The following MAP3K12 variants were observed in gnomAD, a reference collection of about 807,000 sequenced individuals.
The protein encoded by MAP3K12 is MAPK-upstream kinase.
A neutral mutation model predicts 87.5 loss-of-function variants in MAP3K12; 14 were observed. The ratio of observed to expected loss-of-function variants is 0.16; its 90% CI spans 0.11 to 0.25. The LOEUF (loss-of-function observed/expected upper bound fraction) is 0.25, where lower values mean the gene tolerates loss of function less well. Ranked by LOEUF, MAP3K12 falls within the 10% of genes least tolerant of loss-of-function variation. MAP3K12 has a pLI of 1.00. For missense variants in MAP3K12, 802 were observed against 1,140.4 expected (o/e 0.70, Z 4.27); for synonymous variants, 469 against 452.5 (o/e 1.04, Z -0.46).
intron 4 of MAP3K12, 78 bp from the exon 5 acceptor site, chr12:53,485,553 G>C (rs1943205317): frequency 6.6e-7 from 1 of 1,506,660 alleles, no homozygotes; most frequent in Non-Finnish European, 9.0e-7. Flanking sequence ...CTGCCTTTCA[G>C]GTTTTTTTGT....
intron 10 of MAP3K12, 62 bp downstream of exon 10, chr12:53,483,287 T>C (rs551204657): frequency 6.3e-7 from 1 of 1,590,300 alleles, no homozygotes; most frequent in South Asian, 1.2e-5. Context: ...TCCCTGCTAA[T>C]ATACCTGTTG....
chr12:53,491,788 G>A (rs944805652), intron 1 of MAP3K12, among the ~76,000 whole-genome samples: 1 of 148,430 alleles, frequency 6.7e-6, no homozygotes, highest in African/African-American at 2.4e-5. Flanking sequence ...AGAAGCTCAA[G>A]CTCTGCTGGG....
chr12:53,482,400 A>C, intron 11 of MAP3K12, 31 bp from the exon 12 acceptor site: 1 of 1,612,266 alleles, frequency 6.2e-7, no homozygotes, highest in South Asian at 1.1e-5. Context: ...GGGGGGTCTG[A>C]TTAGAAGTGG....
chr12:53,485,006 G>A lies in MAP3K12; in HGVS notation c.1139+50C>T, dbSNP rs116242554. On this transcript the variant is annotated intron_variant, in intron 6 of 13. Coordinates refer to ENST00000547488, the MANE Select transcript of MAP3K12 (RefSeq NM_001193511.2). ...TTGGTCAGTCCAGCCCAGTACTACC[G>A]TGCTTCTCAACTTCTCCAGGCCCAG... 3,678 of 1,610,006 alleles carry A rather than the reference G, an allele frequency of 2.3e-3. 67 individuals are homozygous for A. In the African/African-American group the frequency reaches 0.043, roughly 19 times the overall value.
chr12:53,483,007 A>C lies in MAP3K12; in HGVS notation c.1796T>G (p.Val599Gly). 6.4e-7 allele frequency: 1 copy of C among 1,567,692 alleles called. No individual in the cohort carries two copies. Among genetic ancestry groups the C allele is most frequent in the Non-Finnish European group, 8.6e-7 (1 of 1,157,600 alleles). ...CGDLPGLRTAVPPHEPGGPGS... is the reference protein window; with the variant it reads ...CGDLPGLRTAGPPHEPGGPGS... ...TGGTCCTCCAGGTTCATGGGGTGGC[A>C]CAGCTGTACGAAGCCCAGGCAGGTC... The change falls in exon 11 of 14, where the codon GTG becomes GGG. Residue 599 changes from valine to glycine, a missense_variant. By Grantham distance (109) the Val-to-Gly change is moderately radical. This residue lies in a region of MAP3K12 where 490 missense variants were observed against 496.6 expected (regional missense o/e 0.99). Coordinates refer to ENST00000547488, the MANE Select transcript of MAP3K12 (RefSeq NM_001193511.2).
Position 53,486,473 on chromosome 12 carries a change from G to T in MAP3K12, c.595C>A (p.Arg199=), listed in dbSNP as rs1236316073. 3.1e-6 allele frequency: 5 copies of T among 1,614,144 alleles called. No homozygotes were observed. In the South Asian group the frequency reaches 4.4e-5, roughly 14 times the overall value. Residue 199 remains arginine, a synonymous_variant, in exon 3 of 14, where the codon CGA becomes AGA. Coordinates refer to ENST00000547488, the MANE Select transcript of MAP3K12 (RefSeq NM_001193511.2). This position sits in a 1 kb window ranked among gnomAD's most constrained non-coding sequence, Gnocchi z 4.9. ...DLKETDIKHL[R]KLKHPNIITF... ...ATGATGTTGGGGTGCTTCAGCTTTCGCAAGTGCTTGATGTCGGTTTCTTTG... is the reference window on the plus strand; with the variant it reads ...ATGATGTTGGGGTGCTTCAGCTTTCTCAAGTGCTTGATGTCGGTTTCTTTG...
intron 7 of MAP3K12, 71 bp downstream of exon 7, chr12:53,484,186 C>T: frequency 6.9e-7 from 1 of 1,456,216 alleles, no homozygotes; most frequent in Non-Finnish European, 9.6e-7. Flanking sequence ...CATTTCCCAG[C>T]CTCCCCCTCA....
At position 53,481,005 on chromosome 12, in the gene MAP3K12, C is replaced by G. The variant is rs1943013075; in HGVS notation, c.*177G>C. On this transcript the variant is annotated 3_prime_UTR_variant, in exon 14 of 14. Transcript: ENST00000547488. ...TGTGCCTCATTCATTTCCACAGCTG[C>G]CAGTGTCCCTAGAGTTTATCAGGTG... 4.9e-6 allele frequency: 1 copy of G among 204,916 alleles called. No homozygotes were observed. The highest frequency in any genetic ancestry group is 9.4e-6 in the Non-Finnish European group (1 of 106,932). The allele number at this position is 204,916 out of a possible 1,614,324, so 12.7% of individuals were successfully genotyped here.
At chr12:53,491,846 G>A (rs909050647) in intron 1 of MAP3K12, among the ~76,000 whole-genome samples, 1 of 151,588 alleles carries the variant, frequency 6.6e-6, no homozygotes, top group Non-Finnish European at 1.5e-5. Context: ...AGCCGAGGTG[G>A]GCGGATCGCT....
At chr12:53,497,533 A>C (rs1384801057) in intron 1 of MAP3K12, among the ~76,000 whole-genome samples, 1 of 152,174 alleles carries the variant, frequency 6.6e-6, no homozygotes, top group African/African-American at 2.4e-5. Flanking sequence ...CTGGGAGCCA[A>C]TGAACCAGAC....
Position 53,479,672 on chromosome 12 carries a change from T to TTTTTTTTTTTGG in MAP3K12, c.*1509_*1510insCCAAAAAAAAAA. The TTTTTTTTTTTGG allele has an allele frequency of 7.0e-6, 2 of 286,814 alleles. No homozygotes were observed. Among genetic ancestry groups the TTTTTTTTTTTGG allele is most frequent in the East Asian group, 5.6e-5 (1 of 17,902 alleles). The allele number at this position is 286,814 out of a possible 1,614,324, so 17.8% of individuals were successfully genotyped here. On this transcript the variant is annotated 3_prime_UTR_variant, in exon 14 of 14. Transcript: ENST00000547488. ...TTTAGTTTTATAAGCTTCTCCCTGG[T>TTTTTTTTTTTGG]TTTTTTTTTTTGGCTCATGAATTTT... is the stretch of plus-strand genomic sequence containing the variant.
At chr12:53,488,267 T>G (rs1315976887) in intron 1 of MAP3K12, among the ~76,000 whole-genome samples, 2 of 152,116 alleles carry the variant, frequency 1.3e-5, no homozygotes, top group Non-Finnish European at 2.9e-5. Context: ...TCAAACAAGG[T>G]CTTGTCTTCT....
intron 6 of MAP3K12, chr12:53,484,819 A>T (rs979736815): frequency 1.8e-6 from 1 of 570,320 alleles, no homozygotes; most frequent in Non-Finnish European, 3.1e-6. Context: ...CTGGCACTTC[A>T]TGACAAATCA....
rs10647631 is a variant in MAP3K12, at chr12:53,495,339, C to CAAAA, written c.-38+4084_-38+4087dup. Among the ~76,000 whole-genome samples the CAAAA allele has an allele frequency of 4.8e-3, 93 of 19,378 alleles. 24 individuals are homozygous for CAAAA. The highest frequency in any genetic ancestry group is 6.0e-3 in the East Asian group (3 of 502). 12.7% of individuals were successfully genotyped at this position (19,378 alleles called of 152,430 possible). ...AGGCGACAGAGCAATACTCTGTCTC[C>CAAAA]AAAAAAAAAAAAAAAAAAAAAAAAA... On this transcript the variant is annotated intron_variant, in intron 1 of 13. Coordinates refer to ENST00000547488, the MANE Select transcript of MAP3K12 (RefSeq NM_001193511.2).
rs1321753735 is a variant in MAP3K12, at chr12:53,484,237, T to C, written c.1248+20A>G. On this transcript the variant is annotated intron_variant, in intron 7 of 13. Transcript: ENST00000547488. ...GCAAAGAAGGGGAGTTAGGTATTTA[T>C]TTTCCTACCCACAGCACACCTGGGA... The C allele has an allele frequency of 6.2e-7, 1 of 1,602,636 alleles. No individual in the cohort carries two copies. The highest frequency in any genetic ancestry group is 2.2e-5 in the East Asian group (1 of 44,820).
At position 53,481,159 on chromosome 12, in the gene MAP3K12, T is replaced by C; in HGVS notation, c.*23A>G. On this transcript the variant is annotated 3_prime_UTR_variant, in exon 14 of 14. Transcript: ENST00000547488. ...TATAATTTATATAAATATTTCTCTA[T>C]GTACAAGGAATACGAGTGGCTTTCA... The C allele has an allele frequency of 8.2e-7, 1 of 1,223,110 alleles. No homozygotes were observed. Among genetic ancestry groups the C allele is most frequent in the Non-Finnish European group, 1.1e-6 (1 of 927,270 alleles). The allele number at this position is 1,223,110 out of a possible 1,614,324, so 75.8% of individuals were successfully genotyped here. A position where few individuals can be genotyped will look rare whatever the true frequency, so the allele number is the denominator to read the frequency against.
intron 6 of MAP3K12, chr12:53,484,623 TCATTGAAGGAACC>T: frequency 2.0e-6 from 1 of 491,006 alleles, no homozygotes; most frequent in Non-Finnish European, 3.6e-6. Flanking sequence ...CTGAATAACT[TCATTGAAGGAACC>T]ACATTTTGGG....
chr12:53,481,868 G>T, intron 13 of MAP3K12, 73 bp downstream of exon 13: 2 of 1,545,440 alleles, frequency 1.3e-6, no homozygotes, highest in Admixed American at 3.6e-5. Flanking sequence ...CTCCCCAAAA[G>T]CTGTTAAAAG....
At chr12:53,482,509 A>G in intron 11 of MAP3K12, 56 bp downstream of exon 11, 1 of 1,597,708 alleles carries the variant, frequency 6.3e-7, no homozygotes, top group Non-Finnish European at 8.5e-7. Context: ...TTAGACTTGG[A>G]CCCCAGGGAG....
Sources: allele counts gnomAD v4.1 joint callset (sites outside exome capture counted in the v4.1 genomes callset), GRCh38; gene constraint gnomAD v4.1.1; regional missense constraint gnomAD v4.1.1; non-coding constraint Gnocchi (gnomAD v3.1); transcripts MANE v1.5; gene names NCBI Gene and HGNC (gene_info 2026-07-23, HGNC 2026-07-21).